The following TAOK3 variants were observed in gnomAD, a reference collection of about 807,000 sequenced individuals.
The protein encoded by TAOK3 is TAO kinase 3, also known as serine/threonine-protein kinase TAO3.
TAOK3 carries 40 observed loss-of-function variants against 120.4 expected under a neutral mutation model. The ratio of observed to expected loss-of-function variants is 0.33; its 90% CI spans 0.26 to 0.43. The LOEUF is 0.43. Ranked by LOEUF, TAOK3 falls within the 20% of genes least tolerant of loss-of-function variation. The probability of loss-of-function intolerance (pLI) is 1.00; values close to 1 mark genes in which losing one functional copy is unlikely to be tolerated. For missense variants in TAOK3, 821 were observed against 1,112.1 expected, an observed-to-expected ratio of 0.74 and a Z score of 3.72; for synonymous variants, 355 against 387.5, an observed-to-expected ratio of 0.92 and a Z score of 0.99.
intron 9 of TAOK3, among the ~76,000 whole-genome samples, chr12:118,233,443 A>G (rs2039876695): frequency 6.6e-6 from 1 of 151,662 alleles, no homozygotes; most frequent in Non-Finnish European, 1.5e-5. Context: ...ATACATAAAT[A>G]AATAAATAAA....
chr12:118,329,025 A>G (rs1434891470), intron 1 of TAOK3, among the ~76,000 whole-genome samples: 1 of 152,242 alleles, frequency 6.6e-6, no homozygotes, highest in Non-Finnish European at 1.5e-5. Flanking sequence ...CCTGAAATGC[A>G]GGCAATAACA....
chr12:118,172,755 A>G (rs895264720), intron 16 of TAOK3, 95 bp from the exon 17 acceptor site: 20 of 1,141,472 alleles, frequency 1.8e-5, no homozygotes, highest in Non-Finnish European at 2.6e-5. Flanking sequence ...TGGAAAGCCA[A>G]TGCAGATGTA....
chr12:118,351,827 T>A (rs1005521735), intron 1 of TAOK3, among the ~76,000 whole-genome samples: 2 of 151,130 alleles, frequency 1.3e-5, no homozygotes, highest in African/African-American at 4.8e-5. Context: ...TGCTTCTTGG[T>A]TGTGTAAAAT....
At chr12:118,224,321 A>T (rs2039398251) in intron 9 of TAOK3, among the ~76,000 whole-genome samples, 1 of 152,264 alleles carries the variant, frequency 6.6e-6, no homozygotes, top group Non-Finnish European at 1.5e-5. Context: ...AAGACTAAAT[A>T]TAACCCCTTC....
intron 1 of TAOK3, among the ~76,000 whole-genome samples, chr12:118,307,210 C>T (rs2043081272): frequency 6.6e-6 from 1 of 151,762 alleles, no homozygotes; most frequent in African/African-American, 2.4e-5. Flanking sequence ...AATCAACCTT[C>T]CCGCCTCCTC....
At chr12:118,351,207 G>A (rs1593660097) in intron 1 of TAOK3, among the ~76,000 whole-genome samples, 2 of 151,960 alleles carry the variant, frequency 1.3e-5, no homozygotes, top group East Asian at 3.9e-4. Context: ...AAAATCTGAG[G>A]CATAACTAGG....
chr12:118,356,757 AAG>A (rs1491494436), intron 1 of TAOK3, among the ~76,000 whole-genome samples: 1 of 152,038 alleles, frequency 6.6e-6, no homozygotes, highest in Non-Finnish European at 1.5e-5. Flanking sequence ...TACAAAAAAA[AAG>A]AAACTTTAAA....
intron 1 of TAOK3, among the ~76,000 whole-genome samples, chr12:118,267,066 G>A (rs1427142009): frequency 6.6e-6 from 1 of 152,184 alleles, no homozygotes; most frequent in Non-Finnish European, 1.5e-5. Flanking sequence ...TAATCTGACA[G>A]CACGCGGTAA....
At chr12:118,206,474 T>C (rs2038318159) in intron 11 of TAOK3, among the ~76,000 whole-genome samples, 1 of 152,220 alleles carries the variant, frequency 6.6e-6, no homozygotes, top group Non-Finnish European at 1.5e-5. Context: ...CTACTCCTCC[T>C]TCCTACACAA....
chr12:118,157,297 C>G (rs2034903349), intron 19 of TAOK3, among the ~76,000 whole-genome samples: 1 of 152,244 alleles, frequency 6.6e-6, no homozygotes, highest in African/African-American at 2.4e-5. Context: ...AGTGATGGTT[C>G]AAAAACACAA....
At chr12:118,278,228 T>G (rs2041972598) in intron 1 of TAOK3, among the ~76,000 whole-genome samples, 1 of 152,164 alleles carries the variant, frequency 6.6e-6, no homozygotes, top group Admixed American at 6.6e-5. Context: ...GTGTACAGAT[T>G]ATTTCACCAC....
Position 118,172,671 on chromosome 12 carries a change from C to T in TAOK3, c.1696-11G>A, listed in dbSNP as rs1335836824. The stretch of plus-strand genomic sequence containing the variant: ...GTCCTCATTCATTTCCTAAAAAGAA[C>T]AGACAAAAACCAAGCCAGCCTTACT... On this transcript the variant is annotated splice_polypyrimidine_tract_variant and intron_variant, in intron 16 of 20. Transcript: ENST00000392533. 3 of 1,612,298 alleles carry T rather than the reference C, an allele frequency of 1.9e-6. No homozygotes were observed. The highest frequency in any genetic ancestry group is 2.7e-5 in the African/African-American group (2 of 74,872).
intron 3 of TAOK3, among the ~76,000 whole-genome samples, chr12:118,252,111 C>T (rs530908651): frequency 4.6e-5 from 7 of 152,198 alleles, no homozygotes; most frequent in Non-Finnish European, 8.8e-5. Context: ...TGAGCCACTG[C>T]ACCCGGCCTT....
intron 1 of TAOK3, among the ~76,000 whole-genome samples, chr12:118,312,947 T>G (rs995333754): frequency 6.8e-6 from 1 of 146,194 alleles, no homozygotes; most frequent in African/African-American, 2.8e-5. Flanking sequence ...AATGCTTATC[T>G]GCTGGTGAGG....
intron 1 of TAOK3, among the ~76,000 whole-genome samples, chr12:118,271,464 T>C (rs1327020197): frequency 6.6e-6 from 1 of 152,244 alleles, no homozygotes; most frequent in Non-Finnish European, 1.5e-5. Context: ...GACTGGCATT[T>C]TTCACTCAGC....
intron 19 of TAOK3, chr12:118,152,657 G>T: frequency 2.3e-6 from 1 of 436,158 alleles, no homozygotes; most frequent in Non-Finnish European, 4.1e-6. Flanking sequence ...CGTCAGGAAG[G>T]CTACACCTGT....
At chr12:118,291,047 G>T (rs924310562) in intron 1 of TAOK3, among the ~76,000 whole-genome samples, 1 of 150,944 alleles carries the variant, frequency 6.6e-6, no homozygotes, top group Non-Finnish European at 1.5e-5. Context: ...GTAGAGATGG[G>T]GTTTTGCCAT....
At chr12:118,205,928 C>CTCTT (rs1555221438) in intron 11 of TAOK3, among the ~76,000 whole-genome samples, 36 of 142,302 alleles carry the variant, frequency 2.5e-4, no homozygotes, top group Admixed American at 1.8e-3. Context: ...CTCTCTCTCT[C>CTCTT]TTTTTTTTTT....
chr12:118,211,400 T>C (rs929285838), intron 11 of TAOK3, among the ~76,000 whole-genome samples: 4 of 152,184 alleles, frequency 2.6e-5, no homozygotes, highest in Non-Finnish European at 1.5e-5. Context: ...TTTTTTGCAC[T>C]TAATTCTATT....
Sources: gnomAD v4.1 joint callset for allele counts (sites outside exome capture counted in the v4.1 genomes callset) on GRCh38, gnomAD v4.1.1 for gene constraint, MANE v1.5 for transcripts, NCBI Gene and HGNC (gene_info 2026-07-23, HGNC 2026-07-21) for gene names.